Variants in TRPM3 observed in about 807,000 individuals in gnomAD.
TRPM3 encodes long transient receptor potential channel 3.
A neutral mutation model predicts 181.2 loss-of-function variants in TRPM3; 77 were observed. The ratio of observed to expected loss-of-function variants is 0.42; its 90% CI spans 0.35 to 0.51. The LOEUF is 0.51. TRPM3 is among the 20% of genes least tolerant of loss of function. The pLI is 0.01. For synonymous variants in TRPM3, 745 were observed against 796.4 expected, an observed-to-expected ratio of 0.94 and a Z score of 1.09; for missense variants, 1,759 against 2,196.7, an observed-to-expected ratio of 0.80 and a Z score of 3.98.
chr9:70,578,084 C>T (rs78583647), intron 22 of TRPM3, among the ~76,000 whole-genome samples: 1 of 152,126 alleles, frequency 6.6e-6, no homozygotes, highest in African/African-American at 2.4e-5. Flanking sequence ...GAGTCACTGG[C>T]CCCAGTGAAT....
At chr9:71,182,135 T>A (rs183464703) in intron 1 of TRPM3, among the ~76,000 whole-genome samples, 1 of 152,174 alleles carries the variant, frequency 6.6e-6, no homozygotes, top group African/African-American at 2.4e-5. Flanking sequence ...ACAAAAGCAC[T>A]TTATGTGCTA....
chr9:70,533,295 A>G lies in TRPM3; in HGVS notation c.*2658T>C, dbSNP rs997875756. 1.3e-5 allele frequency: 2 copies of G among 152,312 alleles called. No homozygotes were observed. Among genetic ancestry groups the G allele is most frequent in the Middle Eastern group, 3.4e-3 (1 of 294 alleles). The allele number at this position is 152,312 out of a possible 1,614,324, so 9.4% of individuals were successfully genotyped here. A position where few individuals can be genotyped will look rare whatever the true frequency, so the allele number is the denominator to read the frequency against. ...TCTTGGATTCCTCTATAGACCCTTC[A>G]GGGAGACTTCAGCATTGTGATTGTG... On this transcript the variant is annotated 3_prime_UTR_variant, in exon 26 of 26. Coordinates refer to ENST00000677713, the MANE Select transcript of TRPM3 (RefSeq NM_001366145.2).
chr9:70,915,012 T>C (rs548385372), intron 1 of TRPM3, among the ~76,000 whole-genome samples: 1 of 152,186 alleles, frequency 6.6e-6, no homozygotes, highest in Non-Finnish European at 1.5e-5. Flanking sequence ...CTCTGAAGAC[T>C]ACAATAAATA....
At chr9:71,089,259 T>C (rs1591327985) in intron 1 of TRPM3, among the ~76,000 whole-genome samples, 2 of 150,070 alleles carry the variant, frequency 1.3e-5, no homozygotes, top group Admixed American at 1.3e-4. Context: ...TGCTATATAG[T>C]CTCTATATCA....
chr9:70,679,629 A>T (rs1374835574), intron 9 of TRPM3, among the ~76,000 whole-genome samples: 1 of 152,152 alleles, frequency 6.6e-6, no homozygotes, highest in Admixed American at 6.6e-5. Flanking sequence ...TTTAATGGTC[A>T]ACTTATCTTG....
chr9:70,820,770 A>AACAAT (rs2093097985), intron 6 of TRPM3, among the ~76,000 whole-genome samples: 1 of 152,124 alleles, frequency 6.6e-6, no homozygotes, highest in African/African-American at 2.4e-5. Flanking sequence ...GGGAATTGTT[A>AACAAT]TCCCTAGCTT....
At chr9:71,385,119 A>G (rs1483589005) in intron 1 of TRPM3, among the ~76,000 whole-genome samples, 3 of 152,200 alleles carry the variant, frequency 2.0e-5, no homozygotes, top group Non-Finnish European at 4.4e-5. Flanking sequence ...AGCTTTGAGT[A>G]GCACAAGGGG....
rs140108613 is a variant in TRPM3, at chr9:70,537,307, T to A, written c.3806A>T (p.Glu1269Val). 3.3e-6 allele frequency: 5 copies of A among 1,536,200 alleles called. No individual in the cohort carries two copies. The highest frequency in any genetic ancestry group is 4.4e-6 in the Non-Finnish European group (5 of 1,139,480). Reference protein sequence around the residue: ...QTVDIRLAQLEDLIGRMATAL... With the variant: ...QTVDIRLAQLVDLIGRMATAL... ...CGTGGCCATGCGCCCGATAAGGTCT[T>A]CCAGCTGCGCCAGCCGGATGTCCAC... is the stretch of plus-strand genomic sequence containing the variant. The change falls in exon 26 of 26, where the codon GAA becomes GTA. Residue 1269 changes from glutamate to valine, a missense_variant. This residue lies in a region of TRPM3 where 612 missense variants were observed against 590.0 expected (regional missense o/e 1.04). Transcript: ENST00000677713.
chr9:71,227,774 A>G (rs1461802882), intron 1 of TRPM3, among the ~76,000 whole-genome samples: 1 of 152,182 alleles, frequency 6.6e-6, no homozygotes, highest in Non-Finnish European at 1.5e-5. Flanking sequence ...CACCCTACCA[A>G]GATTTAATTA....
chr9:70,628,401 T>A (rs2065062452), intron 12 of TRPM3, among the ~76,000 whole-genome samples: 1 of 152,186 alleles, frequency 6.6e-6, no homozygotes, highest in African/African-American at 2.4e-5. Flanking sequence ...GGGTTTGCAC[T>A]CCATGGCCTT....
intron 22 of TRPM3, among the ~76,000 whole-genome samples, chr9:70,571,761 T>C (rs1158623348): frequency 6.6e-6 from 1 of 152,178 alleles, no homozygotes; most frequent in Non-Finnish European, 1.5e-5. Context: ...GAAAGCACTA[T>C]GTAAGTATTT....
At chr9:70,838,973 C>T (rs1311247211) in intron 5 of TRPM3, among the ~76,000 whole-genome samples, 2 of 152,124 alleles carry the variant, frequency 1.3e-5, no homozygotes, top group Admixed American at 1.3e-4. Context: ...CTGTTTCCAT[C>T]CCACACTGTT....
At chr9:70,673,137 T>C (rs917282292) in intron 9 of TRPM3, among the ~76,000 whole-genome samples, 2 of 152,146 alleles carry the variant, frequency 1.3e-5, no homozygotes, top group African/African-American at 4.8e-5. Flanking sequence ...TTGGTTTCAA[T>C]TTCCTAGTCT....
In TRPM3 at chr9:70,610,603, G is replaced by A. The variant is rs778169588; in HGVS notation, c.2667+6C>T. ...CACTAGGAAGGAGAAAAGGAAATGT[G>A]CTTACTGTGTAGAACCAGAACTTCA... On this transcript the variant is annotated splice_donor_region_variant and intron_variant, in intron 19 of 25. Transcript: ENST00000677713. The A allele has an allele frequency of 1.2e-6, 2 of 1,613,238 alleles. No individual in the cohort carries two copies. The highest frequency in any genetic ancestry group is 1.7e-4 in the Middle Eastern group (1 of 6,058).
chr9:71,026,362 T>A (rs918777782), intron 1 of TRPM3, among the ~76,000 whole-genome samples: 2 of 152,128 alleles, frequency 1.3e-5, no homozygotes, highest in Non-Finnish European at 2.9e-5. Context: ...GGGGCCCACA[T>A]CATAGCTGCT....
At chr9:71,120,142 A>G (rs1442662291) in intron 1 of TRPM3, among the ~76,000 whole-genome samples, 4 of 152,230 alleles carry the variant, frequency 2.6e-5, no homozygotes. Context: ...AGTGTAACGT[A>G]TTCAGGGCTA....
intron 1 of TRPM3, among the ~76,000 whole-genome samples, chr9:71,321,616 A>C (rs1053035277): frequency 6.6e-6 from 1 of 152,192 alleles, no homozygotes; most frequent in Non-Finnish European, 1.5e-5. Context: ...TGTAAAATGT[A>C]TCACAAATGT....
At chr9:71,026,571 C>T (rs973754109) in intron 1 of TRPM3, among the ~76,000 whole-genome samples, 23 of 152,208 alleles carry the variant, frequency 1.5e-4, no homozygotes, top group African/African-American at 5.5e-4. Flanking sequence ...TGCGTGTGCA[C>T]TCTGCCATGC....
intron 1 of TRPM3, among the ~76,000 whole-genome samples, chr9:71,273,977 T>C (rs2083994668): frequency 6.6e-6 from 1 of 152,214 alleles, no homozygotes; most frequent in African/African-American, 2.4e-5. Flanking sequence ...TATCTCTGGG[T>C]AATTATGAAT....
Sources: gnomAD v4.1 joint callset for allele counts (sites outside exome capture counted in the v4.1 genomes callset) on GRCh38, gnomAD v4.1.1 for gene constraint, gnomAD v4.1.1 regional missense constraint, MANE v1.5 for transcripts, NCBI Gene and HGNC (gene_info 2026-07-23, HGNC 2026-07-21) for gene names.